The following CNTNAP2 variants were observed in gnomAD, a reference collection of about 807,000 sequenced individuals.
CNTNAP2 encodes contactin associated protein 2.
A neutral mutation model predicts 155.2 loss-of-function variants in CNTNAP2; 98 were observed. The ratio of observed to expected loss-of-function variants is 0.63; its 90% confidence interval spans 0.54 to 0.75. CNTNAP2 has a LOEUF of 0.75. CNTNAP2 is among the 30% of genes least tolerant of loss of function. The probability of loss-of-function intolerance (pLI) is 0.00; values close to 1 mark genes in which losing one functional copy is unlikely to be tolerated. For missense variants in CNTNAP2, 1,727 were observed against 1,688.1 expected, an observed-to-expected ratio of 1.02 and a Z score of -0.40; for synonymous variants, 651 against 631.2, an observed-to-expected ratio of 1.03 and a Z score of -0.47.
At chr7:147,693,874 A>G (rs1159913803) in intron 13 of CNTNAP2, among the ~76,000 whole-genome samples, 1 of 152,048 alleles carries the variant, frequency 6.6e-6, no homozygotes, top group East Asian at 1.9e-4. Flanking sequence ...GACTTTCAGT[A>G]CAGTATTGAA....
At chr7:147,026,863 T>A (rs1798930389) in intron 3 of CNTNAP2, among the ~76,000 whole-genome samples, 1 of 150,008 alleles carries the variant, frequency 6.7e-6, no homozygotes, top group Admixed American at 6.6e-5. Context: ...TCTCTGTTTG[T>A]ATGTAATTGG....
intron 1 of CNTNAP2, among the ~76,000 whole-genome samples, chr7:146,678,902 T>G (rs149002937): frequency 3.4e-4 from 52 of 152,344 alleles, no homozygotes; most frequent in Non-Finnish European, 6.9e-4. Flanking sequence ...CATAAATTGC[T>G]TACTATAAAG....
chr7:147,462,859 A>AGCTCC (rs1298876290), intron 10 of CNTNAP2, among the ~76,000 whole-genome samples: 1 of 152,156 alleles, frequency 6.6e-6, no homozygotes, highest in African/African-American at 2.4e-5. Context: ...GCTCACTGCA[A>AGCTCC]GCTCCGCCTC....
chr7:148,141,225 C>G (rs1300429744), intron 16 of CNTNAP2, among the ~76,000 whole-genome samples: 2 of 152,242 alleles, frequency 1.3e-5, no homozygotes, highest in Non-Finnish European at 2.9e-5. Flanking sequence ...TAGAGTGAAA[C>G]TAGCATGCAA....
chr7:146,801,377 G>A (rs987896954), intron 2 of CNTNAP2, among the ~76,000 whole-genome samples: 3 of 151,764 alleles, frequency 2.0e-5, no homozygotes, highest in African/African-American at 2.4e-5. Context: ...GATTTGCAGG[G>A]GTCACACATC....
At chr7:147,080,228 G>C (rs1226878171) in intron 4 of CNTNAP2, among the ~76,000 whole-genome samples, 1 of 152,140 alleles carries the variant, frequency 6.6e-6, no homozygotes, top group East Asian at 1.9e-4. Context: ...AGGCAATTAA[G>C]TATAAGGGAG....
chr7:148,401,586 G>A (rs1799583260), intron 22 of CNTNAP2, among the ~76,000 whole-genome samples: 1 of 150,950 alleles, frequency 6.6e-6, no homozygotes, highest in African/African-American at 2.4e-5. Flanking sequence ...TATTAATAAT[G>A]AGCTATTTTT....
intron 3 of CNTNAP2, among the ~76,000 whole-genome samples, chr7:146,871,882 C>A (rs908073009): frequency 8.6e-5 from 13 of 151,990 alleles, no homozygotes; most frequent in Non-Finnish European, 1.3e-4. Context: ...AAACACAGAA[C>A]TATAACTCTT....
chr7:148,331,014 T>A (rs1797991636), intron 21 of CNTNAP2, among the ~76,000 whole-genome samples: 1 of 138,544 alleles, frequency 7.2e-6, no homozygotes, highest in Non-Finnish European at 1.5e-5. Flanking sequence ...ATGGATGGAA[T>A]GGACAGATGG....
rs555530548 is a variant in CNTNAP2, at chr7:147,907,749, T to C, written c.2255+4028T>C. On this transcript the variant is annotated intron_variant, in intron 14 of 23. Transcript: ENST00000361727. Reference sequence around the variant, plus strand: ...TAAATTATACTATATGGGATAGTTATTTGCAATTCTATTGCATTATTTTAA... The same window carrying C: ...TAAATTATACTATATGGGATAGTTACTTGCAATTCTATTGCATTATTTTAA... Among the ~76,000 whole-genome samples, 55 of 152,252 alleles carry C rather than the reference T, an allele frequency of 3.6e-4. 1 individual carries two copies. The South Asian group carries it at 0.011, about 32-fold the overall frequency.
intron 1 of CNTNAP2, among the ~76,000 whole-genome samples, chr7:146,371,328 T>C (rs762207027): frequency 3.3e-5 from 5 of 151,258 alleles, no homozygotes; most frequent in South Asian, 2.1e-4. Context: ...TTTAAACTTA[T>C]GTAAGTTATT....
At chr7:147,502,283 G>C (rs1017391504) in intron 11 of CNTNAP2, among the ~76,000 whole-genome samples, 19 of 152,130 alleles carry the variant, frequency 1.2e-4, no homozygotes, top group African/African-American at 4.3e-4. Flanking sequence ...GCAAAAGAAA[G>C]CTGGAGGAAT....
At chr7:146,968,543 G>T (rs1797709959) in intron 3 of CNTNAP2, among the ~76,000 whole-genome samples, 1 of 152,128 alleles carries the variant, frequency 6.6e-6, no homozygotes, top group African/African-American at 2.4e-5. Context: ...TCTTGGGAGG[G>T]TGTATGTGTC....
At chr7:147,234,407 G>C (rs1161298227) in intron 8 of CNTNAP2, among the ~76,000 whole-genome samples, 1 of 133,848 alleles carries the variant, frequency 7.5e-6, no homozygotes, top group Non-Finnish European at 1.5e-5. Flanking sequence ...GCGCGATCTC[G>C]GCTCACTGCA....
At chr7:148,100,504 T>C (rs1316189062) in intron 15 of CNTNAP2, among the ~76,000 whole-genome samples, 1 of 150,498 alleles carries the variant, frequency 6.6e-6, no homozygotes, top group Non-Finnish European at 1.5e-5. Context: ...AATGCACACA[T>C]ACTTAATAGG....
chr7:147,869,661 C>G (rs1026839355), intron 13 of CNTNAP2, among the ~76,000 whole-genome samples: 4 of 152,194 alleles, frequency 2.6e-5, no homozygotes, highest in Non-Finnish European at 5.9e-5. Context: ...ATAACTGACT[C>G]TTGATCCGGA....
At chr7:147,447,675 C>T (rs768917956) in intron 10 of CNTNAP2, among the ~76,000 whole-genome samples, 17 of 152,166 alleles carry the variant, frequency 1.1e-4, no homozygotes, top group Admixed American at 2.0e-4. Context: ...CTGCCTTGGG[C>T]TCCCAAAGTG....
At chr7:147,132,190 A>T in intron 7 of CNTNAP2, 55 bp from the exon 8 acceptor site, 2 of 1,605,758 alleles carry the variant, frequency 1.2e-6, no homozygotes, top group Non-Finnish European at 1.7e-6. Context: ...GTGGTCTGAC[A>T]TGGATGTTCA....
chr7:146,982,707 T>G (rs1798041074), intron 3 of CNTNAP2, among the ~76,000 whole-genome samples: 1 of 152,140 alleles, frequency 6.6e-6, no homozygotes, highest in Non-Finnish European at 1.5e-5. Flanking sequence ...GCTTGATGCC[T>G]CTGATCAGAC....
Sources: gnomAD v4.1 joint callset for allele counts (sites outside exome capture counted in the v4.1 genomes callset) on GRCh38, gnomAD v4.1.1 for gene constraint, MANE v1.5 for transcripts, NCBI Gene and HGNC (gene_info 2026-07-23, HGNC 2026-07-21) for gene names.